Variants in CAMK1D observed in about 807,000 individuals in gnomAD.
The protein encoded by CAMK1D is calcium/calmodulin dependent protein kinase ID.
Under a neutral mutation model 47.7 loss-of-function variants are expected in CAMK1D, and 9 were observed. The ratio of observed to expected loss-of-function variants is 0.19; its 90% CI spans 0.11 to 0.33. The LOEUF is 0.33. Among genes scored for constraint, CAMK1D ranks in the 10% least tolerant of loss-of-function variants. CAMK1D has a pLI of 1.00. For missense variants in CAMK1D, 291 were observed against 488.7 expected, an observed-to-expected ratio of 0.60 and a Z score of 3.81; for synonymous variants, 184 against 184.9, an observed-to-expected ratio of 0.99 and a Z score of 0.04.
chr10:12,478,155 T>C (rs1186040916), intron 1 of CAMK1D, among the ~76,000 whole-genome samples: 1 of 149,948 alleles, frequency 6.7e-6, no homozygotes, highest in African/African-American at 2.5e-5. Context: ...ACAGGTGCCC[T>C]CCACCACGCT....
intron 1 of CAMK1D, among the ~76,000 whole-genome samples, chr10:12,499,004 G>A (rs1435325589): frequency 6.6e-6 from 1 of 151,012 alleles, no homozygotes; most frequent in African/African-American, 2.4e-5. Flanking sequence ...AAAACAAGGC[G>A]TAGATTGCAA....
chr10:12,616,360 C>G (rs73572276), intron 2 of CAMK1D, among the ~76,000 whole-genome samples: 37,987 of 152,146 alleles, frequency 0.25, 5,001 homozygotes, highest in South Asian at 0.35. Flanking sequence ...TTTATCGATG[C>G]TACAGCGAGA....
At chr10:12,490,839 G>C (rs926133387) in intron 1 of CAMK1D, among the ~76,000 whole-genome samples, 4 of 152,126 alleles carry the variant, frequency 2.6e-5, no homozygotes, top group African/African-American at 9.7e-5. Flanking sequence ...ATGTTTGCGC[G>C]TGATAGATAT....
At chr10:12,643,559 A>C (rs534652932) in intron 2 of CAMK1D, among the ~76,000 whole-genome samples, 8 of 152,196 alleles carry the variant, frequency 5.3e-5, no homozygotes, top group African/African-American at 1.9e-4. Context: ...TGCGCATGCG[A>C]GGGATCTAGG....
rs964010079 is a variant in CAMK1D at position 12,554,453 on chromosome 10, C to T, written c.224+1097C>T. On this transcript the variant is annotated intron_variant, in intron 2 of 10. Transcript: ENST00000619168. ...TACAGGCATGAGCCACTGCGCCTGGCCAAGATTTTCATTTATTTCTATTAC... is the reference window on the plus strand; with the variant it reads ...TACAGGCATGAGCCACTGCGCCTGGTCAAGATTTTCATTTATTTCTATTAC... Among the ~76,000 whole-genome samples, 3 of 130,918 alleles carry T rather than the reference C, an allele frequency of 2.3e-5. 1 individual carries two copies. The highest frequency in any genetic ancestry group is 5.4e-5 in the Non-Finnish European group (3 of 55,980). 85.9% of individuals were successfully genotyped at this position (130,918 alleles called of 152,430 possible). A position where few individuals can be genotyped will look rare whatever the true frequency, so the allele number is the denominator to read the frequency against.
At chr10:12,774,762 G>C (rs1173832715) in intron 5 of CAMK1D, among the ~76,000 whole-genome samples, 3 of 152,202 alleles carry the variant, frequency 2.0e-5, no homozygotes, top group Non-Finnish European at 4.4e-5. Flanking sequence ...ATTCTCATGG[G>C]AGCTTGAACC....
intron 1 of CAMK1D, among the ~76,000 whole-genome samples, chr10:12,395,267 G>A (rs1354601389): frequency 6.6e-6 from 1 of 151,130 alleles, no homozygotes; most frequent in Non-Finnish European, 1.5e-5. Flanking sequence ...GAGACCAGGG[G>A]GTCCCAAACC....
intron 2 of CAMK1D, among the ~76,000 whole-genome samples, chr10:12,561,468 C>T (rs1339608028): frequency 1.3e-5 from 2 of 152,048 alleles, no homozygotes; most frequent in South Asian, 4.2e-4. Context: ...GATGGCCCTT[C>T]CTTAGCAGTT....
intron 2 of CAMK1D, among the ~76,000 whole-genome samples, chr10:12,637,191 T>G (rs1839534123): frequency 6.6e-6 from 1 of 151,908 alleles, no homozygotes; most frequent in Admixed American, 6.6e-5. Flanking sequence ...AGGCTGATCT[T>G]GAACTCCTTG....
chr10:12,575,157 A>T (rs533948631), intron 2 of CAMK1D, among the ~76,000 whole-genome samples: 72 of 152,108 alleles, frequency 4.7e-4, no homozygotes, highest in Middle Eastern at 3.4e-3. Context: ...TAGTGGCACG[A>T]TCTTGGCTCA....
At position 12,349,674 on chromosome 10, in the gene CAMK1D, GAGCGAA is replaced by G. The variant is rs1176116433; in HGVS notation, c.-142_-137del. Reference sequence around the variant, plus strand: ...ACCGCGGCCGCGGCGGCGGCGGCGAGAGCGAAAGAGGAAACTGCAGAGGAGGAAGCT... The same window carrying G: ...ACCGCGGCCGCGGCGGCGGCGGCGAGAGAGGAAACTGCAGAGGAGGAAGCT... On this transcript the variant is annotated 5_prime_UTR_variant, in exon 1 of 11. Coordinates refer to ENST00000619168, the MANE Select transcript of CAMK1D (RefSeq NM_153498.4). 1 of 164,034 alleles carries G rather than the reference GAGCGAA, an allele frequency of 6.1e-6. No individual in the cohort carries two copies. Among genetic ancestry groups the G allele is most frequent in the Non-Finnish European group, 1.3e-5 (1 of 75,690 alleles). The allele number at this position is 164,034 out of a possible 1,614,324, so 10.2% of individuals were successfully genotyped here. A position where few individuals can be genotyped will look rare whatever the true frequency, so the allele number is the denominator to read the frequency against.
chr10:12,632,452 T>C (rs890261875), intron 2 of CAMK1D, among the ~76,000 whole-genome samples: 14 of 152,166 alleles, frequency 9.2e-5, no homozygotes, highest in African/African-American at 3.1e-4. Context: ...CGGATCAGGG[T>C]GGGCCCTTGC....
At chr10:12,529,452 G>A (rs960644662) in intron 1 of CAMK1D, among the ~76,000 whole-genome samples, 2 of 152,160 alleles carry the variant, frequency 1.3e-5, no homozygotes, top group African/African-American at 4.8e-5. Flanking sequence ...GGTGCAGAGC[G>A]GCACTAGGAA....
At chr10:12,672,681 C>A (rs1445117411) in intron 3 of CAMK1D, among the ~76,000 whole-genome samples, 1 of 151,804 alleles carries the variant, frequency 6.6e-6, no homozygotes, top group Admixed American at 6.6e-5. Flanking sequence ...AGCTTTTCTA[C>A]CTAGGTATAT....
At chr10:12,536,720 T>G (rs1017470884) in intron 1 of CAMK1D, among the ~76,000 whole-genome samples, 17 of 152,348 alleles carry the variant, frequency 1.1e-4, no homozygotes, top group African/African-American at 4.1e-4. Flanking sequence ...CGGTTAGTGT[T>G]GGTGTGGCTG....
At chr10:12,440,922 C>G in intron 1 of CAMK1D, among the ~76,000 whole-genome samples, 1 of 152,228 alleles carries the variant, frequency 6.6e-6, no homozygotes, top group Admixed American at 6.5e-5. Flanking sequence ...TTCTCTAACC[C>G]TTTTCCCCTA....
At chr10:12,728,169 G>A (rs1834741022) in intron 3 of CAMK1D, among the ~76,000 whole-genome samples, 1 of 152,348 alleles carries the variant, frequency 6.6e-6, no homozygotes, top group African/African-American at 2.4e-5. Flanking sequence ...GATTTGTCAT[G>A]TGTGTTAGAG....
In CAMK1D at chr10:12,559,431, T is replaced by C. The variant is rs118169374; in HGVS notation, c.224+6075T>C. On this transcript the variant is annotated intron_variant, in intron 2 of 10. Transcript: ENST00000619168. The stretch of plus-strand genomic sequence containing the variant: ...CCCGCCACCCACTGATCCTAACTCA[T>C]AATCAGTGTGATGTCAGAACAACCA... 5.3e-4 allele frequency among the ~76,000 whole-genome samples: 81 copies of C among 152,244 alleles called. 1 individual carries two copies. In the East Asian group the frequency reaches 8.5e-3, roughly 16 times the overall value.
At chr10:12,808,897 A>G (rs892579532) in intron 6 of CAMK1D, among the ~76,000 whole-genome samples, 89 of 152,104 alleles carry the variant, frequency 5.9e-4, no homozygotes, top group African/African-American at 2.1e-3. Flanking sequence ...TGGGTGAATC[A>G]CTTGAGGCCA....
Sources: gnomAD v4.1 joint callset for allele counts (sites outside exome capture counted in the v4.1 genomes callset) on GRCh38, gnomAD v4.1.1 for gene constraint, MANE v1.5 for transcripts, NCBI Gene and HGNC (gene_info 2026-07-23, HGNC 2026-07-21) for gene names.